AR: variants seen among roughly 807,000 people sequenced by gnomAD.
The protein encoded by AR is dihydrotestosterone receptor.
In AR, 8 loss-of-function variants were observed where a neutral mutation model predicts 53.9. The ratio of observed to expected loss-of-function variants is 0.15; its 90% CI spans 0.09 to 0.27. The LOEUF (loss-of-function observed/expected upper bound fraction) is 0.27. Among genes scored for constraint, AR ranks in the 10% least tolerant of loss-of-function variants. The pLI is 1.00. For synonymous variants in AR, 359 were observed against 316.4 expected, an observed-to-expected ratio of 1.13 and a Z score of -1.43; for missense variants, 639 against 742.5, an observed-to-expected ratio of 0.86 and a Z score of 1.62.
intron 1 of AR, among the ~76,000 whole-genome samples, chrX:67,586,516 T>A (rs1227220594): frequency 8.9e-6 from 1 of 112,224 alleles, no homozygotes; most frequent in Non-Finnish European, 1.9e-5. Flanking sequence ...CTATGAGAGA[T>A]GAAAATTCCT....
intron 3 of AR, among the ~76,000 whole-genome samples, chrX:67,699,753 A>G (rs921180420): frequency 4.5e-5 from 5 of 111,188 alleles, no homozygotes; most frequent in Non-Finnish European, 7.5e-5. Flanking sequence ...TAGGGAGAAC[A>G]GAAACATCAC....
At chrX:67,684,786 T>A (rs1364143709) in intron 2 of AR, among the ~76,000 whole-genome samples, 1 of 111,950 alleles carries the variant, frequency 8.9e-6, no homozygotes, top group African/African-American at 3.2e-5. Flanking sequence ...CTATAATAGA[T>A]GCATTTATGT....
intron 5 of AR, among the ~76,000 whole-genome samples, chrX:67,719,504 C>A (rs1298257110): frequency 3.6e-5 from 4 of 111,442 alleles, no homozygotes; most frequent in Non-Finnish European, 7.5e-5. Context: ...AAAGGCCTCC[C>A]TACGGGGTCA....
At chrX:67,692,968 G>A (rs865854347) in intron 3 of AR, among the ~76,000 whole-genome samples, 4 of 112,504 alleles carry the variant, frequency 3.6e-5, no homozygotes, top group Non-Finnish European at 7.5e-5. Flanking sequence ...AAAGCTTTAT[G>A]TCTCTCTAAC....
At chrX:67,601,125 G>C (rs200945828) in intron 1 of AR, among the ~76,000 whole-genome samples, 2 of 112,053 alleles carry the variant, frequency 1.8e-5, no homozygotes, top group Admixed American at 1.9e-4. Context: ...CTTGTTGACA[G>C]CACATGTGAC....
rs35442632 is a variant in AR, at chrX:67,577,004, C to CTTT, written c.1616+30257_1616+30259dup. Among the ~76,000 whole-genome samples, 22 of 90,799 alleles carry CTTT rather than the reference C, an allele frequency of 2.4e-4. 1 individual carries two copies. Among genetic ancestry groups the CTTT allele is most frequent in the South Asian group, 9.9e-4 (2 of 2,024 alleles). 78.8% of individuals were successfully genotyped at this position (90,799 alleles called of 115,157 possible). A position where few individuals can be genotyped will look rare whatever the true frequency, so the allele number is the denominator to read the frequency against. ...TCAATGGGTTTCTCTCTCTCTCTCTCTTTTTTTTTTTTTTTTTGGATGCTC... is the reference window on the plus strand; with the variant it reads ...TCAATGGGTTTCTCTCTCTCTCTCTCTTTTTTTTTTTTTTTTTTTTGGATGCTC... On this transcript the variant is annotated intron_variant, in intron 1 of 7. Coordinates refer to ENST00000374690, the MANE Select transcript of AR (RefSeq NM_000044.6).
chrX:67,668,353 G>A (rs930096942), intron 2 of AR, among the ~76,000 whole-genome samples: 5 of 111,868 alleles, frequency 4.5e-5, no homozygotes, highest in Non-Finnish European at 9.4e-5. Context: ...CTGTTGATAC[G>A]ATGTATCACA....
intron 1 of AR, among the ~76,000 whole-genome samples, chrX:67,627,026 A>C (rs1233532226): frequency 9.4e-6 from 1 of 106,732 alleles, no homozygotes; most frequent in African/African-American, 3.4e-5. Flanking sequence ...AATCCAGTCT[A>C]TCATTGTTGG....
rs1458590205 is a variant in AR, at chrX:67,726,291, A to T, written c.*2450A>T. On this transcript the variant is annotated 3_prime_UTR_variant, in exon 8 of 8. Coordinates refer to ENST00000374690, the MANE Select transcript of AR (RefSeq NM_000044.6). ...TTACACAATCTGGCTCATGTACAGG[A>T]TCACTTTTAGCTGTTTTAAACAGAA... is the stretch of plus-strand genomic sequence containing the variant. 3 of 173,373 alleles carry T rather than the reference A, an allele frequency of 1.7e-5. No homozygotes were observed. Among genetic ancestry groups the T allele is most frequent in the African/African-American group, 5.9e-5 (2 of 33,827 alleles). 14.3% of individuals were successfully genotyped at this position (173,373 alleles called of 1,213,427 possible). A position where few individuals can be genotyped will look rare whatever the true frequency, so the allele number is the denominator to read the frequency against.
chrX:67,709,431 C>T lies in AR; in HGVS notation c.1886-1971C>T, dbSNP rs191242867. Among the ~76,000 whole-genome samples, 1,043 of 112,475 alleles carry T rather than the reference C, an allele frequency of 9.3e-3. 3 individuals carry two copies. The highest frequency in any genetic ancestry group is 0.016 in the Non-Finnish European group (866 of 53,227). On this transcript the variant is annotated intron_variant, in intron 3 of 7. Coordinates refer to ENST00000374690, the MANE Select transcript of AR (RefSeq NM_000044.6). ...AGCGATGCTCCATGGGCGTGGGACC[C>T]TCCGAGCCAGGTGTGGGATATAATC...
intron 1 of AR, among the ~76,000 whole-genome samples, chrX:67,624,984 A>G (rs904644604): frequency 9.4e-6 from 1 of 106,716 alleles, no homozygotes; most frequent in African/African-American, 3.4e-5. Flanking sequence ...GAAAATATCT[A>G]TATTCACAGA....
chrX:67,711,952 C>T (rs1399145511), intron 4 of AR, among the ~76,000 whole-genome samples: 1 of 112,287 alleles, frequency 8.9e-6, no homozygotes, highest in African/African-American at 3.2e-5. Flanking sequence ...ATTCAACTCA[C>T]AAAAATGGTC....
At chrX:67,707,332 G>C (rs1310326969) in intron 3 of AR, among the ~76,000 whole-genome samples, 1 of 111,996 alleles carries the variant, frequency 8.9e-6, no homozygotes. Context: ...TCCTGTATTG[G>C]TGCATATATA....
At chrX:67,607,807 A>C (rs1923700257) in intron 1 of AR, among the ~76,000 whole-genome samples, 1 of 111,997 alleles carries the variant, frequency 8.9e-6, no homozygotes, top group African/African-American at 3.3e-5. Context: ...GGAGTTCCAC[A>C]TGTAACAGAA....
chrX:67,705,722 C>A (rs959693382), intron 3 of AR, among the ~76,000 whole-genome samples: 1 of 111,524 alleles, frequency 9.0e-6, no homozygotes, highest in Non-Finnish European at 1.9e-5. Flanking sequence ...CTGTCTTGTG[C>A]CAGTTTTCAA....
chrX:67,589,875 C>T (rs1922745169), intron 1 of AR, among the ~76,000 whole-genome samples: 1 of 111,488 alleles, frequency 9.0e-6, no homozygotes, highest in Admixed American at 9.5e-5. Flanking sequence ...CTGGCCCTGA[C>T]TGAGGGACTA....
intron 1 of AR, among the ~76,000 whole-genome samples, chrX:67,605,143 G>A (rs1039153406): frequency 1.8e-5 from 2 of 112,510 alleles, no homozygotes; most frequent in African/African-American, 6.5e-5. Flanking sequence ...CTCCAGAGGA[G>A]GGAGTTGACC....
chrX:67,700,212 A>G (rs1238657065), intron 3 of AR, among the ~76,000 whole-genome samples: 1 of 111,612 alleles, frequency 9.0e-6, no homozygotes, highest in African/African-American at 3.3e-5. Context: ...CTATCCACTT[A>G]TACTTCCCCC....
chrX:67,621,755 C>T (rs1924389014), intron 1 of AR, among the ~76,000 whole-genome samples: 1 of 111,442 alleles, frequency 9.0e-6, no homozygotes, highest in Admixed American at 9.6e-5. Context: ...TCAATTAAAT[C>T]AGAATACAGA....
Sources: allele counts gnomAD v4.1 joint callset (sites outside exome capture counted in the v4.1 genomes callset), GRCh38; gene constraint gnomAD v4.1.1; transcripts MANE v1.5; gene names NCBI Gene and HGNC (gene_info 2026-07-23, HGNC 2026-07-21).